FBXL2: variants seen among roughly 807,000 people sequenced by gnomAD.
The protein encoded by FBXL2 is F-box and leucine rich repeat protein 2.
A neutral mutation model predicts 69.2 loss-of-function variants in FBXL2; 38 were observed. That is an observed-to-expected ratio of 0.55 (90% CI 0.42 to 0.72). The LOEUF (loss-of-function observed/expected upper bound fraction) is 0.72. Ranked by LOEUF, FBXL2 falls within the 30% of genes least tolerant of loss-of-function variation. The pLI is 0.00. For synonymous variants in FBXL2, 192 were observed against 201.3 expected (o/e 0.95, Z 0.39); for missense variants, 354 against 520.3 (o/e 0.68, Z 3.11).
At chr3:33,406,383 C>T (rs2044428392), downstream of FBXL2, among the ~76,000 whole-genome samples, 1 of 152,266 alleles carries the variant, frequency 6.6e-6, no homozygotes, top group African/African-American at 2.4e-5. Flanking sequence ...GTATCACACA[C>T]TGTCACCTCA....
chr3:33,378,890 G>GT (rs772750012), intron 13 of FBXL2, 149 bp downstream of exon 13: 58 of 1,422,756 alleles, frequency 4.1e-5, no homozygotes, highest in Non-Finnish European at 4.9e-5. Context: ...GGGAGGCAAG[G>GT]TATCTAAATA....
chr3:33,325,320 A>G (rs968075630), intron 2 of FBXL2, among the ~76,000 whole-genome samples: 1 of 152,172 alleles, frequency 6.6e-6, no homozygotes, highest in Non-Finnish European at 1.5e-5. Context: ...CAGAACTTCC[A>G]ATACTGTGTT....
intron 2 of FBXL2, among the ~76,000 whole-genome samples, chr3:33,345,987 G>T (rs902850263): frequency 6.6e-6 from 1 of 152,180 alleles, no homozygotes; most frequent in African/African-American, 2.4e-5. Flanking sequence ...AGCACTTTGG[G>T]AGGCCAAGGT....
chr3:33,396,621 A>T, intron 12 of FBXL2: 1 of 404,214 alleles, frequency 2.5e-6, no homozygotes, highest in Middle Eastern at 3.6e-4. Flanking sequence ...AATGATAGTA[A>T]ATGGTTCTTA....
At position 33,373,278 on chromosome 3, in the gene FBXL2, C is replaced by T; in HGVS notation, c.378C>T (p.Ser126=). 6.2e-7 allele frequency: 1 copy of T among 1,614,094 alleles called. No homozygotes were observed. Among genetic ancestry groups the T allele is most frequent in the South Asian group, 1.1e-5 (1 of 91,082 alleles). Residue 126 remains serine, a synonymous_variant, in exon 7 of 15, where the codon AGC becomes AGT. Coordinates refer to ENST00000484457, the MANE Select transcript of FBXL2 (RefSeq NM_012157.5). ...KITDSTCYSL[S]RFCSKLKHLD... The stretch of plus-strand genomic sequence containing the variant: ...TTTTCAGCACGTGTTATAGCCTTAG[C>T]AGATTCTGTTCCAAGCTGAAACATC...
At chr3:33,344,794 A>G (rs1200768032) in intron 2 of FBXL2, among the ~76,000 whole-genome samples, 2 of 152,216 alleles carry the variant, frequency 1.3e-5, no homozygotes, top group Non-Finnish European at 2.9e-5. Context: ...GAAAAGATTA[A>G]TTGATAAATT....
At chr3:33,346,980 T>C (rs1245687706) in intron 2 of FBXL2, among the ~76,000 whole-genome samples, 1 of 152,220 alleles carries the variant, frequency 6.6e-6, no homozygotes. Flanking sequence ...AAACCAATTA[T>C]ACTCTTGTAT....
downstream of FBXL2, chr3:33,388,722 ACT>A (rs1214432090): frequency 6.6e-6 from 1 of 152,104 alleles, no homozygotes; most frequent in East Asian, 1.9e-4. Flanking sequence ...AGAAAGGAAA[ACT>A]CTCTGCCTAT....
chr3:33,403,692 G>A (rs954693889), downstream of FBXL2: 1 of 152,136 alleles, frequency 6.6e-6, no homozygotes, highest in African/African-American at 2.4e-5. Context: ...ACCAGAAACA[G>A]AACAAAGACA....
chr3:33,388,084 A>AAG lies in FBXL2; in HGVS notation c.*2477_*2478insGA, dbSNP rs2043578933. 1 of 150,434 alleles carries AAG rather than the reference A, an allele frequency of 6.6e-6. No homozygotes were observed. Among genetic ancestry groups the AAG allele is most frequent in the Non-Finnish European group, 1.5e-5 (1 of 67,840 alleles). 9.3% of individuals were successfully genotyped at this position (150,434 alleles called of 1,614,324 possible). A position where few individuals can be genotyped will look rare whatever the true frequency, so the allele number is the denominator to read the frequency against. On this transcript the variant is annotated 3_prime_UTR_variant, in exon 15 of 15. Transcript: ENST00000484457. Reference sequence around the variant, plus strand: ...GACTCCGTCTCAAAAAAAAAAAAAAAAAAGAAAATCAGGTTTGCTTCCTTT... The same window carrying AAG: ...GACTCCGTCTCAAAAAAAAAAAAAAAAGAAAGAAAATCAGGTTTGCTTCCTTT...
intron 2 of FBXL2, among the ~76,000 whole-genome samples, chr3:33,305,522 A>T (rs1349274390): frequency 6.6e-6 from 1 of 151,794 alleles, no homozygotes; most frequent in African/African-American, 2.4e-5. Flanking sequence ...TTTATTTCTC[A>T]TACTATCTTT....
chr3:33,371,031 C>T (rs771132563), intron 5 of FBXL2, among the ~76,000 whole-genome samples: 8 of 152,032 alleles, frequency 5.3e-5, no homozygotes, highest in Non-Finnish European at 1.0e-4. Flanking sequence ...ATGCTCTGTT[C>T]TATTTCTGTT....
chr3:33,389,716 T>C (rs1232207427), downstream of FBXL2: 1 of 152,762 alleles, frequency 6.5e-6, no homozygotes, highest in Non-Finnish European at 1.5e-5. Flanking sequence ...TAATGCAGTT[T>C]GCTTCAAGCC....
intron 2 of FBXL2, among the ~76,000 whole-genome samples, chr3:33,311,784 C>T (rs1305194606): frequency 6.7e-6 from 1 of 150,162 alleles, no homozygotes; most frequent in East Asian, 2.0e-4. Flanking sequence ...GCCACCATGC[C>T]CGGCTAATTT....
rs1292499972 is a variant in FBXL2 at position 33,373,813 on chromosome 3, T to C, written c.583-34T>C. The C allele has an allele frequency of 2.5e-6, 4 of 1,613,744 alleles. No homozygotes were observed. The African/African-American group carries it at 4.0e-5, about 16-fold the overall frequency. ...GTGTCCCACTGTTCCCTCACCTGGA[T>C]TCCAGCTGTCTTTTGTTTTCTCTGT... is the stretch of plus-strand genomic sequence containing the variant. On this transcript the variant is annotated intron_variant, in intron 8 of 14. Transcript: ENST00000484457.
chr3:33,355,813 C>T (rs1265881857), intron 2 of FBXL2, among the ~76,000 whole-genome samples: 1 of 152,210 alleles, frequency 6.6e-6, no homozygotes, highest in Non-Finnish European at 1.5e-5. Context: ...CAGTTTGCCA[C>T]TCATGTCGCT....
intron 11 of FBXL2, among the ~76,000 whole-genome samples, chr3:33,377,741 C>T (rs1354608159): frequency 1.3e-5 from 2 of 152,194 alleles, no homozygotes; most frequent in African/African-American, 4.8e-5. Context: ...ACTTGGCTAC[C>T]TCCACCCAAC....
chr3:33,377,642 A>T (rs918668939), intron 11 of FBXL2, among the ~76,000 whole-genome samples: 10 of 151,990 alleles, frequency 6.6e-5, no homozygotes, highest in Non-Finnish European at 1.3e-4. Flanking sequence ...ACTGGGCTGT[A>T]CTCTGCCCTT....
At chr3:33,408,372 G>A (rs114181406), downstream of FBXL2, among the ~76,000 whole-genome samples, 752 of 152,206 alleles carry the variant, frequency 4.9e-3, 5 homozygotes, top group African/African-American at 0.017. Flanking sequence ...TGAAGGAGGT[G>A]TGTGTGTGAA....
Sources: allele counts gnomAD v4.1 joint callset (sites outside exome capture counted in the v4.1 genomes callset), GRCh38; gene constraint gnomAD v4.1.1; transcripts MANE v1.5; gene names NCBI Gene and HGNC (gene_info 2026-07-23, HGNC 2026-07-21).